The following QRICH1 variants were observed in gnomAD, a reference collection of about 807,000 sequenced individuals.
QRICH1 encodes the protein transcriptional regulator QRICH1.
QRICH1 carries 16 observed loss-of-function variants against 87.1 expected under a neutral mutation model. The observed-to-expected ratio is 0.18, with a 90% confidence interval of 0.12 to 0.28. The LOEUF (loss-of-function observed/expected upper bound fraction) is 0.28, where lower values mean the gene tolerates loss of function less well. Among genes scored for constraint, QRICH1 ranks in the 10% least tolerant of loss-of-function variants. The pLI is 1.00. For missense variants in QRICH1, 647 were observed against 951.7 expected, an observed-to-expected ratio of 0.68 and a Z score of 4.21; for synonymous variants, 367 against 368.4, an observed-to-expected ratio of 1.00 and a Z score of 0.05.
Position 49,030,466 on chromosome 3 carries a change from T to C in QRICH1, c.2317A>G (p.Ser773Gly). Residue 773 changes from serine (S) to glycine (G), a missense_variant, in exon 10 of 10, where the codon AGC becomes GGC. This residue lies in a region of QRICH1 where 56 missense variants were observed against 79.4 expected (regional missense o/e 0.71). Coordinates refer to ENST00000395443, the MANE Select transcript of QRICH1 (RefSeq NM_198880.3). ...IQEAIAVANA[S>G]TMH ...GCCAAGGCATCTCAGTGCATAGTGCTTGCATTGGCCACTGCGATGGCCTCC... is the reference window on the plus strand; with the variant it reads ...GCCAAGGCATCTCAGTGCATAGTGCCTGCATTGGCCACTGCGATGGCCTCC... 3 of 1,613,464 alleles carry C rather than the reference T, an allele frequency of 1.9e-6. No individual in the cohort carries two copies. Among genetic ancestry groups the C allele is most frequent in the Non-Finnish European group, 2.5e-6 (3 of 1,180,014 alleles).
At chr3:49,080,704 A>G (rs917110666) in intron 1 of QRICH1, among the ~76,000 whole-genome samples, 2 of 151,988 alleles carry the variant, frequency 1.3e-5, no homozygotes, top group Non-Finnish European at 2.9e-5. Flanking sequence ...TGTAAAGGAT[A>G]ATTTCACCGA....
At chr3:49,036,050 C>A (rs1326657565) in intron 6 of QRICH1, among the ~76,000 whole-genome samples, 1 of 151,458 alleles carries the variant, frequency 6.6e-6, no homozygotes. Context: ...TGTGCCACTG[C>A]ACTCCAGCCT....
intron 3 of QRICH1, among the ~76,000 whole-genome samples, chr3:49,049,461 A>T (rs2093357734): frequency 6.6e-6 from 1 of 152,022 alleles, no homozygotes; most frequent in Non-Finnish European, 1.5e-5. Flanking sequence ...TAAAAATAAA[A>T]AAGTGAATGT....
intron 2 of QRICH1, among the ~76,000 whole-genome samples, chr3:49,073,642 CAATTTTT>C (rs1195741467): frequency 6.6e-6 from 1 of 151,408 alleles, no homozygotes; most frequent in Non-Finnish European, 1.5e-5. Flanking sequence ...TTGTGCCTTA[CAATTTTT>C]ATTTTTATTT....
chr3:49,065,232 C>A (rs2093460933), intron 2 of QRICH1, among the ~76,000 whole-genome samples: 1 of 151,244 alleles, frequency 6.6e-6, no homozygotes, highest in South Asian at 2.1e-4. Context: ...GCAACCTTTG[C>A]CTCCTGGGTT....
At chr3:49,068,431 C>T (rs556123545) in intron 2 of QRICH1, among the ~76,000 whole-genome samples, 24 of 149,254 alleles carry the variant, frequency 1.6e-4, no homozygotes, top group Non-Finnish European at 2.8e-4. Context: ...GCATTCCAGC[C>T]TGGGTGACAG....
chr3:49,050,407 A>G (rs2093363750), intron 3 of QRICH1, among the ~76,000 whole-genome samples: 2 of 131,886 alleles, frequency 1.5e-5, no homozygotes, highest in South Asian at 5.3e-4. Flanking sequence ...TGGGCGACAG[A>G]GCCAGACTCT....
In QRICH1 at chr3:49,044,323, C is replaced by A; in HGVS notation, c.1786+67G>T. 7 of 1,275,304 alleles carry A rather than the reference C, an allele frequency of 5.5e-6. No individual in the cohort carries two copies. The South Asian group carries it at 7.9e-5, about 14-fold the overall frequency. The allele number at this position is 1,275,304 out of a possible 1,614,324, so 79.0% of individuals were successfully genotyped here. On this transcript the variant is annotated intron_variant, in intron 6 of 9. Coordinates refer to ENST00000395443, the MANE Select transcript of QRICH1 (RefSeq NM_198880.3). ...CACTCACATGCTTTTCATAGCCAAC[C>A]ACAGAAGCTATTGATCTTTCTTAAA...
chr3:49,070,472 C>A (rs150919688), intron 2 of QRICH1, among the ~76,000 whole-genome samples: 2 of 152,286 alleles, frequency 1.3e-5, no homozygotes, highest in East Asian at 1.9e-4. Context: ...CAGGGTCTTG[C>A]ACTTTTGCCC....
chr3:49,057,669 G>A lies in QRICH1; in HGVS notation c.531C>T (p.Ala177=). ...AQIQVQHVQA[A]QQIQAAEIPE... ...GGATTTCTGCAGCCTGGATCTGCTGGGCTGCTTGCACGTGCTGCACCTGGA... is the reference window on the plus strand; with the variant it reads ...GGATTTCTGCAGCCTGGATCTGCTGAGCTGCTTGCACGTGCTGCACCTGGA... Residue 177 remains alanine (A), a synonymous_variant, in exon 3 of 10, where the codon GCC becomes GCT. Coordinates refer to ENST00000395443, the MANE Select transcript of QRICH1 (RefSeq NM_198880.3). The surrounding 1 kb of genome is among the most constrained non-coding windows in gnomAD (Gnocchi z 5.4). 6.2e-7 allele frequency: 1 copy of A among 1,614,198 alleles called. No homozygotes were observed. Among genetic ancestry groups the A allele is most frequent in the Non-Finnish European group, 8.5e-7 (1 of 1,180,046 alleles).
rs952370476 is a variant in QRICH1, at chr3:49,048,913, T to C, written c.1339-1667A>G. ...AGCTTCCCATGTGATTTTTTTTTTTTCCCTCTGAGATGGAGTCTTGCTCTT... is the reference window on the plus strand; with the variant it reads ...AGCTTCCCATGTGATTTTTTTTTTTCCCCTCTGAGATGGAGTCTTGCTCTT... On this transcript the variant is annotated intron_variant, in intron 3 of 9. Coordinates refer to ENST00000395443, the MANE Select transcript of QRICH1 (RefSeq NM_198880.3). Among the ~76,000 whole-genome samples, 11 of 151,520 alleles carry C rather than the reference T, an allele frequency of 7.3e-5. 1 individual carries two copies. The South Asian group carries it at 1.1e-3, about 14-fold the overall frequency.
chr3:49,091,549 C>A (rs1425381073), intron 1 of QRICH1, among the ~76,000 whole-genome samples: 1 of 152,162 alleles, frequency 6.6e-6, no homozygotes, highest in African/African-American at 2.4e-5. Flanking sequence ...ACTATTTGAT[C>A]TTTAGTTTGA....
At chr3:49,049,583 C>A (rs950711091) in intron 3 of QRICH1, among the ~76,000 whole-genome samples, 1 of 152,160 alleles carries the variant, frequency 6.6e-6, no homozygotes, top group African/African-American at 2.4e-5. Flanking sequence ...CCACAACCTC[C>A]GCCTCCCAGG....
Position 49,063,867 on chromosome 3 carries a change from A to C in QRICH1, c.310-5977T>G, listed in dbSNP as rs2093450043. ...GTTTACATAGGTTATATCTAGTAAT[A>C]TTTACTTGTACTCTAAATTAAAACT... On this transcript the variant is annotated intron_variant, in intron 2 of 9. Coordinates refer to ENST00000395443, the MANE Select transcript of QRICH1 (RefSeq NM_198880.3). 3.3e-5 allele frequency among the ~76,000 whole-genome samples: 5 copies of C among 152,290 alleles called. No homozygotes were observed. In the South Asian group the frequency reaches 8.3e-4, roughly 25 times the overall value.
intron 6 of QRICH1, among the ~76,000 whole-genome samples, chr3:49,038,779 C>A (rs939761585): frequency 1.1e-4 from 17 of 152,290 alleles, no homozygotes; most frequent in African/African-American, 4.1e-4. Flanking sequence ...GTAATCCTAG[C>A]ACTTTGGGAG....
intron 2 of QRICH1, among the ~76,000 whole-genome samples, chr3:49,058,166 T>C (rs1175108705): frequency 6.6e-6 from 1 of 152,122 alleles, no homozygotes; most frequent in Non-Finnish European, 1.5e-5. Flanking sequence ...AATTTTTTTT[T>C]TTTAAGATGG....
intron 2 of QRICH1, among the ~76,000 whole-genome samples, chr3:49,069,110 T>TA (rs151137494): frequency 9.6e-5 from 9 of 93,770 alleles, no homozygotes; most frequent in East Asian, 1.2e-3. Flanking sequence ...TATTATTATT[T>TA]TTTTTTTTTT....
At chr3:49,038,658 C>T (rs556191184) in intron 6 of QRICH1, among the ~76,000 whole-genome samples, 1 of 152,260 alleles carries the variant, frequency 6.6e-6, no homozygotes, top group African/African-American at 2.4e-5. Flanking sequence ...ACCTCGTGGT[C>T]GGCCCACCTC....
chr3:49,075,651 A>AAAC (rs34660653), intron 2 of QRICH1, among the ~76,000 whole-genome samples: 11,525 of 151,870 alleles, frequency 0.076, 573 homozygotes, highest in Non-Finnish European at 0.11. Flanking sequence ...ACAAACAAAC[A>AAAC]AAAAAAAGGC....
Sources: gnomAD v4.1 joint callset for allele counts (sites outside exome capture counted in the v4.1 genomes callset) on GRCh38, gnomAD v4.1.1 for gene constraint, gnomAD v4.1.1 regional missense constraint, Gnocchi (gnomAD v3.1) non-coding constraint, MANE v1.5 for transcripts, NCBI Gene and HGNC (gene_info 2026-07-23, HGNC 2026-07-21) for gene names.